STPG3: variants seen among roughly 807,000 people sequenced by gnomAD.
STPG3 encodes sperm-tail PG-rich repeat containing 3, also known as protein STPG3.
Under a neutral mutation model 32.5 loss-of-function variants are expected in STPG3, and 39 were observed. The observed-to-expected ratio is 1.20, with a 90% CI of 0.93 to 1.57. The LOEUF is 1.57. STPG3 is among the 40% of genes most tolerant of loss of function. STPG3 has a pLI of 0.00. For missense variants in STPG3, 507 were observed against 407.6 expected, an observed-to-expected ratio of 1.24 and a Z score of -2.10; for synonymous variants, 209 against 172.4, an observed-to-expected ratio of 1.21 and a Z score of -1.66.
At chr9:137,253,044 G>T in intron 5 of STPG3, 71 bp from the exon 6 acceptor site, 1 of 1,212,968 alleles carries the variant, frequency 8.2e-7, no homozygotes, top group Non-Finnish European at 1.2e-6. Context: ...GGGGCCGGGG[G>T]TGGGAACTGG....
rs760591785 is a variant in STPG3 at position 137,252,078 on chromosome 9, G to T, written c.346G>T (p.Val116Leu). The T allele has an allele frequency of 1.9e-6, 3 of 1,612,716 alleles. No individual in the cohort carries two copies. Among genetic ancestry groups the T allele is most frequent in the Non-Finnish European group, 2.5e-6 (3 of 1,179,614 alleles). The stretch of plus-strand genomic sequence containing the variant: ...CAGGTACCAGGTGCCGAGCCCGTCC[G>T]TACGAGAGTCCTCCCCACACCCCCA... ...PTRYQVPSPS[V>L]RESSPHPHYS... Residue 116 changes from valine (V) to leucine (L), a missense_variant, in exon 3 of 6, where the codon GTA becomes TTA. By Grantham distance (32) the Val-to-Leu change is conservative (BLOSUM62 1). Transcript: ENST00000412566.
Position 137,253,248 on chromosome 9 carries a change from C to T in STPG3, c.*3C>T. The T allele has an allele frequency of 6.2e-7, 1 of 1,604,200 alleles. No homozygotes were observed. Among genetic ancestry groups the T allele is most frequent in the African/African-American group, 1.3e-5 (1 of 74,882 alleles). ...CAGGCCCCTTCTGCACGCTCTAGAGCCAGCTGGGCACAACCTGCTTGGCCC... is the reference window on the plus strand; with the variant it reads ...CAGGCCCCTTCTGCACGCTCTAGAGTCAGCTGGGCACAACCTGCTTGGCCC... On this transcript the variant is annotated 3_prime_UTR_variant, in exon 6 of 6. Transcript: ENST00000412566.
intron 1 of STPG3, 146 bp downstream of exon 1, chr9:137,251,542 C>T (rs980125652): frequency 3.0e-5 from 28 of 943,044 alleles, no homozygotes; most frequent in Non-Finnish European, 4.1e-5. Flanking sequence ...CGGCTGGGAG[C>T]GGCCAGGGGC....
Position 137,252,528 on chromosome 9 carries a change from T to C in STPG3, c.492+3T>C, listed in dbSNP as rs1402650060. On this transcript the variant is annotated splice_donor_region_variant and intron_variant, in intron 4 of 5. Coordinates refer to ENST00000412566, the MANE Select transcript of STPG3 (RefSeq NM_001004353.4). ...CTGACTTCGACCAAGAGCAAAAGGT[T>C]GGGGGCTGGGCAGGAAGGGGGCGGG... is the stretch of plus-strand genomic sequence containing the variant. 4.9e-6 allele frequency: 3 copies of C among 616,526 alleles called. No homozygotes were observed. Among genetic ancestry groups the C allele is most frequent in the Non-Finnish European group, 6.3e-6 (3 of 473,308 alleles). 38.2% of individuals were successfully genotyped at this position (616,526 alleles called of 1,614,324 possible). A position where few individuals can be genotyped will look rare whatever the true frequency, so the allele number is the denominator to read the frequency against.
rs761537819 is a variant in STPG3, at chr9:137,251,384, C to G, written c.98C>G (p.Pro33Arg). The change falls in exon 1 of 6, where the codon CCA becomes CGA. Residue 33 changes from proline to arginine, a missense_variant. Coordinates refer to ENST00000412566, the MANE Select transcript of STPG3 (RefSeq NM_001004353.4). ...CATGGTCACCTGAGGCAGACACAACCAGAGCCCACCCAGTAACTGGCGGAG... is the reference window on the plus strand; with the variant it reads ...CATGGTCACCTGAGGCAGACACAACGAGAGCCCACCCAGTAACTGGCGGAG... ...WTHGHLRQTQ[P>R]EPTQPKASVL... The G allele has an allele frequency of 6.2e-7, 1 of 1,612,144 alleles. No individual in the cohort carries two copies. The highest frequency in any genetic ancestry group is 8.5e-7 in the Non-Finnish European group (1 of 1,178,736).
rs750065596 is a variant in STPG3 at position 137,252,695 on chromosome 9, C to T, written c.526C>T (p.Arg176Trp). 6 of 1,551,220 alleles carry T rather than the reference C, an allele frequency of 3.9e-6. No homozygotes were observed. Among genetic ancestry groups the T allele is most frequent in the African/African-American group, 2.7e-5 (2 of 73,060 alleles). Residue 176 changes from arginine to tryptophan, a missense_variant, in exon 5 of 6, where the codon CGG (arginine) becomes TGG (tryptophan). Coordinates refer to ENST00000412566, the MANE Select transcript of STPG3 (RefSeq NM_001004353.4). ...PSPAHYQLLS[R>W]PAFPAFSFRG... is the part of the protein sequence containing the mutation. ...GCCAGCCCACTACCAGCTGCTCAGC[C>T]GGCCCGCCTTCCCCGCCTTCAGCTT...
At chr9:137,252,181 C>T (rs771623567) in intron 3 of STPG3, 46 bp downstream of exon 3, 113 of 1,574,776 alleles carry the variant, frequency 7.2e-5, no homozygotes, top group Non-Finnish European at 9.1e-5. Context: ...CTGTCCCTCA[C>T]CCTGGGAATG....
Position 137,251,863 on chromosome 9 carries a change from T to G in STPG3, c.236T>G (p.Leu79Arg), listed in dbSNP as rs202209559. The change falls in exon 2 of 6, where the codon CTG becomes CGG. Residue 79 changes from leucine to arginine, a missense_variant. Coordinates refer to ENST00000412566, the MANE Select transcript of STPG3 (RefSeq NM_001004353.4). ...RLQTGTPQESLPTYTQTLREL... is the reference protein window; with the variant it reads ...RLQTGTPQESRPTYTQTLREL... ...CAGACGGGCACCCCCCAGGAGTCCC[T>G]GCCCACCTACACCCAGACCCTGAGG... 1.2e-6 allele frequency: 2 copies of G among 1,608,616 alleles called. No homozygotes were observed. The highest frequency in any genetic ancestry group is 2.7e-5 in the African/African-American group (2 of 74,766).
In STPG3 at chr9:137,252,504, T is replaced by C. The variant is rs144037445; in HGVS notation, c.471T>C (p.Ala157=). Residue 157 remains alanine (A), a synonymous_variant, in exon 4 of 6, where the codon GCT becomes GCC. Coordinates refer to ENST00000412566, the MANE Select transcript of STPG3 (RefSeq NM_001004353.4). ...GCGAAAGCCCCTTCACGCAGAAAGC[T>C]GACTTCGACCAAGAGCAAAAGGTTG... ...FQSESPFTQK[A]DFDQEQKWPS... 3,120 of 1,600,270 alleles carry C rather than the reference T, an allele frequency of 1.9e-3. 23 individuals are homozygous for C. Among genetic ancestry groups the C allele is most frequent in the African/African-American group, 0.013 (967 of 72,452 alleles).
chr9:137,253,046 G>A, intron 5 of STPG3, 69 bp from the exon 6 acceptor site: 1 of 1,198,718 alleles, frequency 8.3e-7, no homozygotes. Context: ...GGCCGGGGGT[G>A]GGAACTGGGA....
rs748286266 is a variant in STPG3, at chr9:137,251,857, A to T, written c.230A>T (p.Glu77Val). Residue 77 changes from glutamate (E) to valine (V), a missense_variant, in exon 2 of 6, where the codon GAG (glutamate) becomes GTG (valine). Coordinates refer to ENST00000412566, the MANE Select transcript of STPG3 (RefSeq NM_001004353.4). The stretch of plus-strand genomic sequence containing the variant: ...AGGTTACAGACGGGCACCCCCCAGG[A>T]GTCCCTGCCCACCTACACCCAGACC... ...GLRLQTGTPQ[E>V]SLPTYTQTLR... 15 of 1,608,428 alleles carry T rather than the reference A, an allele frequency of 9.3e-6. No individual in the cohort carries two copies. The highest frequency in any genetic ancestry group is 1.3e-5 in the Non-Finnish European group (15 of 1,177,556).
chr9:137,253,227 C>A lies in STPG3; in HGVS notation c.909C>A (p.Gly303=). The A allele has an allele frequency of 1.2e-6, 2 of 1,608,304 alleles. No individual in the cohort carries two copies. The highest frequency in any genetic ancestry group is 1.7e-6 in the Non-Finnish European group (2 of 1,177,874). Residue 303 remains glycine (G), a synonymous_variant, in exon 6 of 6, where the codon GGC becomes GGA. Transcript: ENST00000412566. ...GCAGACCCAAGCGCCACGACACAGG[C>A]CCCTTCTGCACGCTCTAGAGCCAGC... The part of the protein sequence containing the change: ...GVRRPKRHDT[G]PFCTL
Position 137,251,953 on chromosome 9 carries a change from G to A in STPG3, c.269-48G>A, listed in dbSNP as rs529802699. On this transcript the variant is annotated intron_variant, in intron 2 of 5. Transcript: ENST00000412566. Reference sequence around the variant, plus strand: ...GCTGGTCTTTGGGGGGCTGTGGGAGGGGCCCGCTGAAAGGAGCCCAGGCCC... The same window carrying A: ...GCTGGTCTTTGGGGGGCTGTGGGAGAGGCCCGCTGAAAGGAGCCCAGGCCC... 5 of 1,596,824 alleles carry A rather than the reference G, an allele frequency of 3.1e-6. No individual in the cohort carries two copies. The Admixed American group carries it at 5.2e-5, about 17-fold the overall frequency.
At position 137,251,816 on chromosome 9, in the gene STPG3, G is replaced by A. The variant is rs370405876; in HGVS notation, c.189G>A (p.Glu63=). 60 of 1,603,286 alleles carry A rather than the reference G, an allele frequency of 3.7e-5. No individual in the cohort carries two copies. The Middle Eastern group carries it at 6.6e-4, about 18-fold the overall frequency. Residue 63 remains glutamate (E), a synonymous_variant, in exon 2 of 6, where the codon GAG becomes GAA. Transcript: ENST00000412566. ...WDETQPPKMK[E]IPVGLRLQTG... The stretch of plus-strand genomic sequence containing the variant: ...AGACACAGCCCCCAAAGATGAAGGA[G>A]ATCCCAGTTGGCCTCAGGTTACAGA...
Position 137,253,134 on chromosome 9 carries a change from C to T in STPG3, c.816C>T (p.Ala272=), listed in dbSNP as rs184975054. 4.2e-5 allele frequency: 66 copies of T among 1,579,492 alleles called. No individual in the cohort carries two copies. In the East Asian group the frequency reaches 7.9e-4, roughly 19 times the overall value. The change falls in exon 6 of 6, where the codon GCC becomes GCT. Residue 272 remains alanine, a synonymous_variant. Transcript: ENST00000412566. The part of the protein sequence containing the change: ...WLSTSRTPGP[A]AYHVEDCNSR... The stretch of plus-strand genomic sequence containing the variant: ...CGGCAGCCCGAACCCCTGGCCCAGC[C>T]GCCTACCACGTGGAGGACTGCAACT...
At position 137,253,175 on chromosome 9, in the gene STPG3, C is replaced by A; in HGVS notation, c.857C>A (p.Ala286Glu). 1 of 1,605,162 alleles carries A rather than the reference C, an allele frequency of 6.2e-7. No homozygotes were observed. The highest frequency in any genetic ancestry group is 8.5e-7 in the Non-Finnish European group (1 of 1,175,010). Residue 286 changes from alanine (A) to glutamate (E), a missense_variant, in exon 6 of 6, where the codon GCG becomes GAG. Physicochemically the swap from Ala to Glu is moderately radical, Grantham distance 107. Transcript: ENST00000412566. ...VEDCNSRFPS[A>E]PGVVIQGVRR... is the part of the protein sequence containing the mutation. ...GACTGCAACTCACGCTTCCCTTCGG[C>A]GCCTGGCGTGGTCATCCAGGGTGTA...
chr9:137,252,067 C>A lies in STPG3; in HGVS notation c.335C>A (p.Pro112Gln). Residue 112 changes from proline to glutamine, a missense_variant, in exon 3 of 6, where the codon CCG (proline) becomes CAG (glutamine). By Grantham distance (76) the Pro-to-Gln change is moderately conservative. Transcript: ENST00000412566. The stretch of plus-strand genomic sequence containing the variant: ...CCCAGCCCCACCAGGTACCAGGTGC[C>A]GAGCCCGTCCGTACGAGAGTCCTCC... ...EVPSPTRYQVPSPSVRESSPH... is the reference protein window; with the variant it reads ...EVPSPTRYQVQSPSVRESSPH... 1 of 1,613,044 alleles carries A rather than the reference C, an allele frequency of 6.2e-7. No homozygotes were observed. Among genetic ancestry groups the A allele is most frequent in the Non-Finnish European group, 8.5e-7 (1 of 1,179,774 alleles).
chr9:137,253,073 GGCT>G (rs779932805), intron 5 of STPG3, 39 bp from the exon 6 acceptor site: 3 of 1,541,768 alleles, frequency 1.9e-6, no homozygotes, highest in Non-Finnish European at 2.6e-6. Context: ...TTTGAGTTGG[GGCT>G]GCTACCTGGG....
Position 137,252,090 on chromosome 9 carries a change from T to G in STPG3, c.358T>G (p.Ser120Ala), listed in dbSNP as rs781195802. 6.2e-7 allele frequency: 1 copy of G among 1,612,600 alleles called. No homozygotes were observed. Among genetic ancestry groups the G allele is most frequent in the East Asian group, 2.2e-5 (1 of 44,884 alleles). The change falls in exon 3 of 6, where the codon TCC (serine) becomes GCC (alanine). Residue 120 changes from serine (S) to alanine (A), a missense_variant. Physicochemically the swap from Ser to Ala is moderately conservative, Grantham distance 99. Transcript: ENST00000412566. ...GCCGAGCCCGTCCGTACGAGAGTCC[T>G]CCCCACACCCCCACTACAGCATCGG... ...QVPSPSVRES[S>A]PHPHYSIGCK...
Sources: gnomAD v4.1 joint callset for allele counts on GRCh38, gnomAD v4.1.1 for gene constraint, MANE v1.5 for transcripts, NCBI Gene and HGNC (gene_info 2026-07-23, HGNC 2026-07-21) for gene names.